MAD1L1: variants seen among roughly 807,000 people sequenced by gnomAD.
MAD1L1 encodes mitotic arrest deficient 1 like 1.
Under a neutral mutation model 96.9 loss-of-function variants are expected in MAD1L1, and 95 were observed. The ratio of observed to expected loss-of-function variants is 0.98; its 90% confidence interval spans 0.83 to 1.16. The LOEUF (loss-of-function observed/expected upper bound fraction) is 1.16, where lower values mean the gene tolerates loss of function less well. MAD1L1 is among the 50% of genes most tolerant of loss of function. MAD1L1 has a pLI of 0.00. For synonymous variants in MAD1L1, 473 were observed against 396.6 expected (o/e 1.19, Z -2.29); for missense variants, 1,007 against 954.4 (o/e 1.06, Z -0.73).
chr7:1,847,400 G>A, intron 18 of MAD1L1: 1 of 470,920 alleles, frequency 2.1e-6, no homozygotes, highest in Non-Finnish European at 4.4e-6. Context: ...TTGGGAAGAT[G>A]TGGGGGGCCC....
chr7:1,949,606 G>A (rs1218146115), intron 16 of MAD1L1, among the ~76,000 whole-genome samples: 1 of 152,190 alleles, frequency 6.6e-6, no homozygotes, highest in Non-Finnish European at 1.5e-5. Context: ...GAGAGCCGCA[G>A]CCACTTTCCA....
chr7:2,168,012 T>C (rs904249413), intron 10 of MAD1L1, among the ~76,000 whole-genome samples: 12 of 152,250 alleles, frequency 7.9e-5, no homozygotes, highest in Admixed American at 6.5e-4. Flanking sequence ...TGGACGGGCA[T>C]GGTGGCTCAC....
intron 18 of MAD1L1, among the ~76,000 whole-genome samples, chr7:1,878,095 A>C (rs1785478268): frequency 6.6e-6 from 1 of 152,344 alleles, no homozygotes; most frequent in East Asian, 1.9e-4. Flanking sequence ...AAAATAAGCA[A>C]AAACTCAAGA....
At chr7:2,226,261 T>G (rs1448181756) in intron 3 of MAD1L1, among the ~76,000 whole-genome samples, 1 of 152,200 alleles carries the variant, frequency 6.6e-6, no homozygotes, top group Non-Finnish European at 1.5e-5. Flanking sequence ...CAATGAAACC[T>G]ACTCAGTATT....
intron 12 of MAD1L1, among the ~76,000 whole-genome samples, chr7:2,020,767 T>G (rs978988114): frequency 6.6e-6 from 1 of 152,100 alleles, no homozygotes; most frequent in Non-Finnish European, 1.5e-5. Context: ...GAATACTTTT[T>G]TTTTTTTTTA....
rs578070524 is a variant in MAD1L1 at position 2,066,548 on chromosome 7, G to A, written c.1218+2646C>T. ...AGCAGGGTCGGGGTGAGGCTGGCGC[G>A]GGCCAGAAAGTGCCAGAGGCTCTCC... On this transcript the variant is annotated intron_variant, in intron 12 of 18. Coordinates refer to ENST00000265854, the MANE Select transcript of MAD1L1 (RefSeq NM_001013836.2). 2.5e-3 allele frequency among the ~76,000 whole-genome samples: 382 copies of A among 152,318 alleles called. 2 individuals carry two copies. The highest frequency in any genetic ancestry group is 8.5e-3 in the African/African-American group (354 of 41,566).
At chr7:2,113,479 C>A (rs1477853022) in intron 11 of MAD1L1, among the ~76,000 whole-genome samples, 1 of 152,096 alleles carries the variant, frequency 6.6e-6, no homozygotes, top group Non-Finnish European at 1.5e-5. Flanking sequence ...ACTTGGGAGG[C>A]CGAGGCAGGA....
chr7:1,953,844 C>G (rs984761661), intron 16 of MAD1L1, among the ~76,000 whole-genome samples: 1 of 152,266 alleles, frequency 6.6e-6, no homozygotes, highest in Admixed American at 6.5e-5. Context: ...GGGGGCCCCA[C>G]GGGGCACAGG....
intron 12 of MAD1L1, among the ~76,000 whole-genome samples, chr7:2,018,973 C>A (rs1782663192): frequency 6.6e-6 from 1 of 152,218 alleles, no homozygotes; most frequent in Admixed American, 6.5e-5. Flanking sequence ...CACAACTTCT[C>A]CTTTTTTTAG....
At chr7:1,941,998 G>A (rs907893830) in intron 16 of MAD1L1, among the ~76,000 whole-genome samples, 3 of 152,180 alleles carry the variant, frequency 2.0e-5, no homozygotes, top group Admixed American at 6.5e-5. Context: ...GGGAGGGGCA[G>A]ACTGGGCACC....
intron 11 of MAD1L1, among the ~76,000 whole-genome samples, chr7:2,141,073 G>C (rs187685764): frequency 6.6e-6 from 1 of 152,232 alleles, no homozygotes; most frequent in Non-Finnish European, 1.5e-5. Context: ...GAGGCACCCC[G>C]GACAGACCCC....
intron 16 of MAD1L1, among the ~76,000 whole-genome samples, chr7:1,941,790 C>T (rs1283721267): frequency 6.6e-6 from 1 of 152,224 alleles, no homozygotes; most frequent in Non-Finnish European, 1.5e-5. Context: ...GCACCGCTGA[C>T]CAGGGCTGAG....
At chr7:1,939,652 C>G (rs1778847176) in intron 16 of MAD1L1, among the ~76,000 whole-genome samples, 1 of 152,228 alleles carries the variant, frequency 6.6e-6, no homozygotes, top group South Asian at 2.1e-4. Context: ...TGCCCACGCA[C>G]TCTCCTATCT....
At chr7:1,910,005 C>G (rs1787915323) in intron 17 of MAD1L1, among the ~76,000 whole-genome samples, 1 of 152,220 alleles carries the variant, frequency 6.6e-6, no homozygotes, top group Non-Finnish European at 1.5e-5. Flanking sequence ...ACGACTTACT[C>G]CAGCAAGCAG....
rs576145482 is a variant in MAD1L1, at chr7:1,936,868, C to G, written c.1626G>C (p.Val542=). The G allele has an allele frequency of 1.2e-6, 2 of 1,604,654 alleles. No individual in the cohort carries two copies. Among genetic ancestry groups the G allele is most frequent in the East Asian group, 4.5e-5 (2 of 44,522 alleles). The change falls in exon 17 of 19, where the codon GTG becomes GTC. Residue 542 remains valine (V), a synonymous_variant. Coordinates refer to ENST00000265854, the MANE Select transcript of MAD1L1 (RefSeq NM_001013836.2). ...QGDYDQSRTK[V]LHMSLNPTSV... ...TGGTGGGGTTCAGGCTCATGTGCAG[C>G]ACTTTGGTCCTGCTCTGGTCATAGT...
intron 18 of MAD1L1, among the ~76,000 whole-genome samples, chr7:1,824,137 G>C (rs1386349810): frequency 6.6e-6 from 1 of 152,084 alleles, no homozygotes; most frequent in Admixed American, 6.5e-5. Context: ...CCACCTCCCG[G>C]CCACCAGCAC....
At chr7:2,171,775 G>A (rs904980357) in intron 10 of MAD1L1, among the ~76,000 whole-genome samples, 16 of 151,948 alleles carry the variant, frequency 1.1e-4, no homozygotes, top group South Asian at 2.1e-4. Flanking sequence ...CAGCAGAGAA[G>A]CCCAGCAGTT....
chr7:2,182,490 GA>G (rs574735992), intron 10 of MAD1L1, among the ~76,000 whole-genome samples: 1 of 150,280 alleles, frequency 6.7e-6, no homozygotes. Context: ...CAAGAGAAGT[GA>G]AAAAAAAAGG....
intron 15 of MAD1L1, among the ~76,000 whole-genome samples, chr7:1,965,295 T>C (rs563162045): frequency 8.7e-5 from 13 of 149,964 alleles, no homozygotes; most frequent in African/African-American, 2.9e-4. Flanking sequence ...CCAGGCTTGT[T>C]TGTCATAAAG....
Sources: gnomAD v4.1 joint callset for allele counts (sites outside exome capture counted in the v4.1 genomes callset) on GRCh38, gnomAD v4.1.1 for gene constraint, MANE v1.5 for transcripts, NCBI Gene and HGNC (gene_info 2026-07-23, HGNC 2026-07-21) for gene names.